Variants in EYS observed in about 807,000 individuals in gnomAD.
EYS encodes the protein protein eyes shut homolog.
A neutral mutation model predicts 282.1 loss-of-function variants in EYS; 250 were observed. The observed-to-expected ratio is 0.89, with a 90% CI of 0.80 to 0.98. The LOEUF is 0.98. Ranked by LOEUF, EYS falls within the 50% of genes least tolerant of loss-of-function variation. EYS has a pLI of 0.00. For missense variants in EYS, 4,016 were observed against 3,709.0 expected (o/e 1.08, Z -2.15); for synonymous variants, 1,355 against 1,282.9 (o/e 1.06, Z -1.20).
chr6:65,214,678 A>T (rs560102804), intron 12 of EYS, among the ~76,000 whole-genome samples: 1 of 152,354 alleles, frequency 6.6e-6, no homozygotes, highest in East Asian at 1.9e-4. Flanking sequence ...TTATATTGGA[A>T]AAAGACATCA....
intron 22 of EYS, among the ~76,000 whole-genome samples, chr6:64,633,218 T>C (rs1240073999): frequency 6.6e-6 from 1 of 152,172 alleles, no homozygotes; most frequent in Admixed American, 6.5e-5. Context: ...GAATATTGTC[T>C]AAATAACTGT....
At chr6:65,146,599 C>A (rs1014875367) in intron 12 of EYS, among the ~76,000 whole-genome samples, 3 of 151,916 alleles carry the variant, frequency 2.0e-5, no homozygotes, top group African/African-American at 7.2e-5. Flanking sequence ...CAATTGAAAT[C>A]TCTTTAATTA....
intron 12 of EYS, among the ~76,000 whole-genome samples, chr6:65,285,668 A>G (rs1768342717): frequency 6.6e-6 from 1 of 152,012 alleles, no homozygotes; most frequent in Non-Finnish European, 1.5e-5. Flanking sequence ...AAAACTACAA[A>G]AATATAAATT....
At chr6:63,766,343 A>T (rs1280269789) in intron 40 of EYS, among the ~76,000 whole-genome samples, 11 of 152,060 alleles carry the variant, frequency 7.2e-5, no homozygotes, top group East Asian at 1.9e-4. Context: ...AAGAGCAGAG[A>T]TAGGGTCTGT....
intron 1 of EYS, among the ~76,000 whole-genome samples, chr6:65,654,975 C>CA (rs1767768111): frequency 9.7e-6 from 1 of 102,660 alleles, no homozygotes; most frequent in Admixed American, 1.2e-4. Flanking sequence ...CTGGGTCATT[C>CA]ATTAAAAAAA....
chr6:64,625,421 A>G (rs1767574348), intron 23 of EYS, among the ~76,000 whole-genome samples: 1 of 152,216 alleles, frequency 6.6e-6, no homozygotes, highest in Non-Finnish European at 1.5e-5. Context: ...GCTGCAGGGT[A>G]CAAGAACAAG....
At chr6:64,430,668 A>G (rs546684175) in intron 28 of EYS, among the ~76,000 whole-genome samples, 1 of 152,088 alleles carries the variant, frequency 6.6e-6, no homozygotes, top group Non-Finnish European at 1.5e-5. Flanking sequence ...ACTTTGTTTT[A>G]GCTGATGTAC....
intron 12 of EYS, among the ~76,000 whole-genome samples, chr6:65,179,800 A>C (rs929748941): frequency 1.6e-4 from 25 of 152,056 alleles, no homozygotes; most frequent in Non-Finnish European, 3.7e-4. Context: ...TGATGCAAAA[A>C]TCCTCAATAA....
At chr6:64,004,661 C>T (rs892345504) in intron 33 of EYS, among the ~76,000 whole-genome samples, 1 of 152,082 alleles carries the variant, frequency 6.6e-6, no homozygotes, top group African/African-American at 2.4e-5. Context: ...TCTTTGTGTT[C>T]CCTTTGAGCT....
intron 26 of EYS, among the ~76,000 whole-genome samples, chr6:64,580,137 G>T (rs1215522985): frequency 5.3e-5 from 8 of 151,970 alleles, no homozygotes; most frequent in Admixed American, 5.3e-4. Context: ...ATATTAACTT[G>T]ATAAATCTTT....
chr6:63,827,122 T>C (rs1771490846), intron 36 of EYS, among the ~76,000 whole-genome samples: 1 of 152,188 alleles, frequency 6.6e-6, no homozygotes, highest in Non-Finnish European at 1.5e-5. Context: ...CAGGGGTAGC[T>C]ATTCTTATAT....
At chr6:63,799,535 A>C (rs1196733384) in intron 37 of EYS, among the ~76,000 whole-genome samples, 1 of 152,160 alleles carries the variant, frequency 6.6e-6, no homozygotes, top group Admixed American at 6.5e-5. Flanking sequence ...CAGTTAGTGA[A>C]ATAATAAATA....
chr6:64,841,505 G>A (rs1393865135), intron 19 of EYS, among the ~76,000 whole-genome samples: 1 of 152,096 alleles, frequency 6.6e-6, no homozygotes, highest in Non-Finnish European at 1.5e-5. Context: ...TGCTGGGAAG[G>A]CTAAAGGAGA....
intron 26 of EYS, among the ~76,000 whole-genome samples, chr6:64,451,080 G>T (rs1321145876): frequency 6.6e-6 from 1 of 152,028 alleles, no homozygotes; most frequent in Non-Finnish European, 1.5e-5. Flanking sequence ...TGGTTTTTTT[G>T]AAAAGATCAA....
chr6:64,206,101 G>A (rs1765602042), intron 31 of EYS, among the ~76,000 whole-genome samples: 1 of 151,836 alleles, frequency 6.6e-6, no homozygotes, highest in Admixed American at 6.6e-5. Flanking sequence ...TTTTAAAAAG[G>A]AACACACATG....
At chr6:65,487,366 G>A (rs11755726) in intron 5 of EYS, among the ~76,000 whole-genome samples, 2 of 152,112 alleles carry the variant, frequency 1.3e-5, no homozygotes, top group Admixed American at 6.5e-5. Flanking sequence ...CTAGTTTATT[G>A]AGAGTTTTTA....
chr6:64,005,153 C>T (rs1170048125), intron 33 of EYS, among the ~76,000 whole-genome samples: 1 of 152,104 alleles, frequency 6.6e-6, no homozygotes, highest in Non-Finnish European at 1.5e-5. Flanking sequence ...TAATAATAGC[C>T]ATTCTGACTA....
chr6:65,043,176 T>C (rs1414034732), intron 13 of EYS, among the ~76,000 whole-genome samples: 3 of 151,652 alleles, frequency 2.0e-5, no homozygotes. Flanking sequence ...ATTGAGCTAA[T>C]TAATATATCT....
At chr6:65,362,858 T>A (rs1764765725) in intron 8 of EYS, among the ~76,000 whole-genome samples, 1 of 152,058 alleles carries the variant, frequency 6.6e-6, no homozygotes, top group African/African-American at 2.4e-5. Context: ...AAATACAGTG[T>A]CTCTTATTAA....
Sources: gnomAD v4.1 joint callset for allele counts (sites outside exome capture counted in the v4.1 genomes callset) on GRCh38, gnomAD v4.1.1 for gene constraint, MANE v1.5 for transcripts, NCBI Gene and HGNC (gene_info 2026-07-23, HGNC 2026-07-21) for gene names.